The following HSPE1 variants were observed in gnomAD, a reference collection of about 807,000 sequenced individuals.
The protein encoded by HSPE1 is 10 kDa heat shock protein, mitochondrial.
In HSPE1, 1 loss-of-function variant was observed where a neutral mutation model predicts 13.2. The ratio of observed to expected loss-of-function variants is 0.08; its 90% CI spans 0.03 to 0.36. The LOEUF (loss-of-function observed/expected upper bound fraction) is 0.36. Among genes scored for constraint, HSPE1 ranks in the 10% least tolerant of loss-of-function variants. HSPE1 has a pLI of 0.99. For synonymous variants in HSPE1, 44 were observed against 42.0 expected (o/e 1.05, Z -0.19); for missense variants, 73 against 118.7 (o/e 0.62, Z 1.79).
intron 2 of HSPE1, chr2:197,501,665 A>G (rs1473493112): frequency 6.6e-6 from 1 of 152,148 alleles, no homozygotes; most frequent in Non-Finnish European, 1.5e-5. Flanking sequence ...GGGGAGGCTG[A>G]GGCAGGAGAA....
intron 1 of HSPE1, 177 bp downstream of exon 1, chr2:197,500,616 CTT>C: frequency 1.1e-6 from 1 of 946,656 alleles, no homozygotes; most frequent in Non-Finnish European, 1.6e-6. Flanking sequence ...CCCCAGGGCT[CTT>C]TGCACGCGCG....
intron 1 of HSPE1, 67 bp downstream of exon 1, chr2:197,500,506 G>A (rs757983050): frequency 5.2e-5 from 50 of 961,298 alleles, no homozygotes; most frequent in Non-Finnish European, 7.5e-5. Flanking sequence ...GATCCCTGAC[G>A]CCCCTCTTTT....
chr2:197,500,416 G>T lies in HSPE1; in HGVS notation c.-21G>T. ...GCGGCGCTACACTAGAGCAGAGTAC[G>T]AGTCTGAGGCGGAGGGAGTAATGGT... On this transcript the variant is annotated 5_prime_UTR_variant, in exon 1 of 4. Coordinates refer to ENST00000233893, the MANE Select transcript of HSPE1 (RefSeq NM_002157.3). 1 of 1,601,276 alleles carries T rather than the reference G, an allele frequency of 6.2e-7. No homozygotes were observed. The highest frequency in any genetic ancestry group is 8.5e-7 in the Non-Finnish European group (1 of 1,174,562).
At chr2:197,500,658 G>T in intron 1 of HSPE1, 1 of 666,756 alleles carries the variant, frequency 1.5e-6, no homozygotes, top group Admixed American at 2.9e-5. Flanking sequence ...GCAGGGGGGC[G>T]AGAACCCGGG....
intron 2 of HSPE1, among the ~76,000 whole-genome samples, chr2:197,502,233 A>T (rs1031929723): frequency 6.6e-6 from 1 of 152,100 alleles, no homozygotes. Flanking sequence ...TTAAAACCTG[A>T]TATTTCTTTT....
At chr2:197,500,523 CTGGGCG>C in intron 1 of HSPE1, 84 bp downstream of exon 1, 1 of 531,668 alleles carries the variant, frequency 1.9e-6, no homozygotes, top group East Asian at 6.0e-5. Context: ...TTTTGTTGGG[CTGGGCG>C]GGAGGGATTG....
At chr2:197,502,155 G>A (rs1266869469) in intron 2 of HSPE1, among the ~76,000 whole-genome samples, 1 of 152,160 alleles carries the variant, frequency 6.6e-6, no homozygotes, top group Non-Finnish European at 1.5e-5. Context: ...GAACAGGTTG[G>A]TCAGTCTTGT....
chr2:197,502,245 C>T (rs987369538), intron 2 of HSPE1, among the ~76,000 whole-genome samples: 2 of 152,172 alleles, frequency 1.3e-5, no homozygotes, highest in African/African-American at 2.4e-5. Context: ...ATTTCTTTTG[C>T]AATTTTTTTT....
At position 197,503,400 on chromosome 2, in the gene HSPE1, T is replaced by C; in HGVS notation, c.*141T>C. On this transcript the variant is annotated 3_prime_UTR_variant, in exon 4 of 4. Transcript: ENST00000233893. ...CTAATGACATCCAGTGTCTCCAAAA[T>C]TGTTTCCTTGTACTGATATAAACAC... is the stretch of plus-strand genomic sequence containing the variant. 5.0e-6 allele frequency: 3 copies of C among 602,554 alleles called. No homozygotes were observed. The highest frequency in any genetic ancestry group is 2.9e-6 in the Non-Finnish European group (1 of 342,938). The allele number at this position is 602,554 out of a possible 1,614,324, so 37.3% of individuals were successfully genotyped here. A position where few individuals can be genotyped will look rare whatever the true frequency, so the allele number is the denominator to read the frequency against.
rs1398242495 is a variant in HSPE1 at position 197,503,248 on chromosome 2, T to C, written c.298T>C (p.Tyr100His). ...TAGAGATGGTGACATTCTTGGAAAGTACGTAGACTGAAATAAGTCACTATT... is the reference window on the plus strand; with the variant it reads ...TAGAGATGGTGACATTCTTGGAAAGCACGTAGACTGAAATAAGTCACTATT... The part of the protein sequence containing the change: ...LFRDGDILGK[Y>H]VD Residue 100 changes from tyrosine (Y) to histidine (H), a missense_variant, in exon 4 of 4, where the codon TAC becomes CAC. Transcript: ENST00000233893. 6.2e-7 allele frequency: 1 copy of C among 1,602,668 alleles called. No homozygotes were observed. Among genetic ancestry groups the C allele is most frequent in the Admixed American group, 1.7e-5 (1 of 59,964 alleles).
At chr2:197,501,767 C>CCA (rs2086259371) in intron 2 of HSPE1, among the ~76,000 whole-genome samples, 1 of 128,376 alleles carries the variant, frequency 7.8e-6, no homozygotes, top group Admixed American at 8.1e-5. Context: ...GATTCTGTCT[C>CCA]AAAAAAAAAA....
chr2:197,502,347 A>T (rs1372392010), intron 2 of HSPE1, among the ~76,000 whole-genome samples: 2 of 152,182 alleles, frequency 1.3e-5, no homozygotes, highest in Non-Finnish European at 2.9e-5. Flanking sequence ...AAGATTGCAC[A>T]CCTCTGTTTT....
At position 197,503,117 on chromosome 2, in the gene HSPE1, C is replaced by G; in HGVS notation, c.247C>G (p.Leu83Val). The G allele has an allele frequency of 1.2e-6, 2 of 1,601,896 alleles. No individual in the cohort carries two copies. Among genetic ancestry groups the G allele is most frequent in the South Asian group, 2.2e-5 (2 of 90,826 alleles). ...AGAATATGGAGGCACCAAAGTAGTT[C>G]TAGATGACAAGGTGTGTAAACTTAA... ...LPEYGGTKVVLDDKDYFLFRD... is the reference protein window; with the variant it reads ...LPEYGGTKVVVDDKDYFLFRD... The change falls in exon 3 of 4, where the codon CTA becomes GTA. Residue 83 changes from leucine to valine, a missense_variant. Coordinates refer to ENST00000233893, the MANE Select transcript of HSPE1 (RefSeq NM_002157.3).
At position 197,503,093 on chromosome 2, in the gene HSPE1, G is replaced by A; in HGVS notation, c.223G>A (p.Glu75Lys). 1 of 1,608,924 alleles carries A rather than the reference G, an allele frequency of 6.2e-7. No homozygotes were observed. The highest frequency in any genetic ancestry group is 8.5e-7 in the Non-Finnish European group (1 of 1,176,790). ...VKVGDKVLLP[E>K]YGGTKVVLDD... Reference sequence around the variant, plus strand: ...AGTTGGAGATAAAGTTCTTCTCCCAGAATATGGAGGCACCAAAGTAGTTCT... The same window carrying A: ...AGTTGGAGATAAAGTTCTTCTCCCAAAATATGGAGGCACCAAAGTAGTTCT... The change falls in exon 3 of 4, where the codon GAA becomes AAA. Residue 75 changes from glutamate (E) to lysine (K), a missense_variant. Transcript: ENST00000233893.
intron 2 of HSPE1, among the ~76,000 whole-genome samples, chr2:197,501,770 A>AC (rs1322740479): frequency 6.6e-6 from 1 of 151,134 alleles, no homozygotes; most frequent in Non-Finnish European, 1.5e-5. Flanking sequence ...TCTGTCTCAA[A>AC]AAAAAAAAAA....
At chr2:197,500,576 G>A in intron 1 of HSPE1, 137 bp downstream of exon 1, 1 of 1,336,640 alleles carries the variant, frequency 7.5e-7, no homozygotes, top group Non-Finnish European at 1.0e-6. Context: ...TGGCACCTTG[G>A]AGCGGCAAGG....
At chr2:197,502,933 T>C (rs1430693579) in intron 2 of HSPE1, 106 bp from the exon 3 acceptor site, 2 of 673,730 alleles carry the variant, frequency 3.0e-6, no homozygotes, top group Non-Finnish European at 5.2e-6. Flanking sequence ...TTTAATATAA[T>C]TGGATTTGAG....
In HSPE1 at chr2:197,501,085, G is replaced by A; in HGVS notation, c.15G>A (p.Ala5=). The A allele has an allele frequency of 6.2e-7, 1 of 1,613,264 alleles. No homozygotes were observed. Among genetic ancestry groups the A allele is most frequent in the Non-Finnish European group, 8.5e-7 (1 of 1,179,712 alleles). Reference sequence around the variant, plus strand: ...TTCTCTTCCTACAGGCAGGACAAGCGTTTAGAAAGTTTCTTCCACTCTTTG... The same window carrying A: ...TTCTCTTCCTACAGGCAGGACAAGCATTTAGAAAGTTTCTTCCACTCTTTG... The part of the protein sequence containing the change: MAGQ[A]FRKFLPLFDR... The change falls in exon 2 of 4, where the codon GCG becomes GCA. Residue 5 remains alanine, a synonymous_variant. Transcript: ENST00000233893.
At chr2:197,502,024 A>G (rs568478920) in intron 2 of HSPE1, among the ~76,000 whole-genome samples, 3 of 152,310 alleles carry the variant, frequency 2.0e-5, no homozygotes, top group Non-Finnish European at 4.4e-5. Context: ...ATGTGCTTCA[A>G]GGTAAAATGA....
Sources: allele counts gnomAD v4.1 joint callset (sites outside exome capture counted in the v4.1 genomes callset), GRCh38; gene constraint gnomAD v4.1.1; transcripts MANE v1.5; gene names NCBI Gene and HGNC (gene_info 2026-07-23, HGNC 2026-07-21).